GATC: variants seen among roughly 807,000 people sequenced by gnomAD.
GATC encodes glutamyl-tRNA(Gln) amidotransferase subunit C, mitochondrial.
In GATC, 11 loss-of-function variants were observed where a neutral mutation model predicts 14.4. The observed-to-expected ratio is 0.77, with a 90% CI of 0.48 to 1.27. The LOEUF is 1.27. GATC is among the 50% of genes most tolerant of loss of function. GATC has a pLI of 0.00. For synonymous variants in GATC, 76 were observed against 79.3 expected, an observed-to-expected ratio of 0.96 and a Z score of 0.22; for missense variants, 204 against 183.0, an observed-to-expected ratio of 1.11 and a Z score of -0.66.
chr12:120,448,642 CTTT>C lies in GATC; in HGVS notation c.254+1832_254+1834del, dbSNP rs71451885. Reference sequence around the variant, plus strand: ...CTGCACTGGCCAAAAAAGTCCATTCCTTTTTTTTTTTTTTTTTTTTTGAGACGG... The same window carrying C: ...CTGCACTGGCCAAAAAAGTCCATTCCTTTTTTTTTTTTTTTTTTGAGACGG... On this transcript the variant is annotated intron_variant, in intron 2 of 3. Transcript: ENST00000551765. 3.3e-4 allele frequency among the ~76,000 whole-genome samples: 29 copies of C among 87,460 alleles called. No individual in the cohort carries two copies. The East Asian group carries it at 9.6e-3, about 29-fold the overall frequency. The allele number at this position is 87,460 out of a possible 152,430, so 57.4% of individuals were successfully genotyped here.
chr12:120,450,195 AGAT>A (rs1335319367), intron 2 of GATC, among the ~76,000 whole-genome samples: 1 of 152,242 alleles, frequency 6.6e-6, no homozygotes, highest in Non-Finnish European at 1.5e-5. Flanking sequence ...TCGTGAAAAA[AGAT>A]GAGGAATTTG....
Position 120,446,454 on chromosome 12 carries a change from G to A in GATC, c.-27G>A. 6.2e-7 allele frequency: 1 copy of A among 1,604,668 alleles called. No homozygotes were observed. On this transcript the variant is annotated 5_prime_UTR_variant, in exon 1 of 4. Coordinates refer to ENST00000551765, the MANE Select transcript of GATC (RefSeq NM_176818.3). ...GCGTCGCTCGGCGTTACGCGCGGGCGCACTGCGGGGGCCAAGGAAGGAAGA... is the reference window on the plus strand; with the variant it reads ...GCGTCGCTCGGCGTTACGCGCGGGCACACTGCGGGGGCCAAGGAAGGAAGA...
At chr12:120,455,680 G>A (rs1171449824) in intron 2 of GATC, among the ~76,000 whole-genome samples, 1 of 151,866 alleles carries the variant, frequency 6.6e-6, no homozygotes, top group Non-Finnish European at 1.5e-5. Flanking sequence ...ATCTTATTGT[G>A]ACAACTTAGT....
chr12:120,453,787 G>T (rs1394740418), intron 2 of GATC, among the ~76,000 whole-genome samples: 1 of 150,948 alleles, frequency 6.6e-6, no homozygotes, highest in Non-Finnish European at 1.5e-5. Context: ...TTTGAGACCA[G>T]CCTAGGCAAC....
In GATC at chr12:120,461,729, T is replaced by C. The variant is rs985483306; in HGVS notation, c.*1770T>C. ...AATGGGCCGACTCAGTCACAGTAAC[T>C]GTTGATCTCCATAGTAGAGCAACCC... On this transcript the variant is annotated 3_prime_UTR_variant, in exon 4 of 4. Coordinates refer to ENST00000551765, the MANE Select transcript of GATC (RefSeq NM_176818.3). 1 of 236,238 alleles carries C rather than the reference T, an allele frequency of 4.2e-6. No individual in the cohort carries two copies. Among genetic ancestry groups the C allele is most frequent in the African/African-American group, 2.3e-5 (1 of 44,288 alleles). 14.6% of individuals were successfully genotyped at this position (236,238 alleles called of 1,614,324 possible).
In GATC at chr12:120,461,446, C is replaced by T. The variant is rs1235290899; in HGVS notation, c.*1487C>T. The T allele has an allele frequency of 6.6e-6, 1 of 152,104 alleles. No homozygotes were observed. The highest frequency in any genetic ancestry group is 2.4e-5 in the African/African-American group (1 of 41,390). 9.4% of individuals were successfully genotyped at this position (152,104 alleles called of 1,614,324 possible). A position where few individuals can be genotyped will look rare whatever the true frequency, so the allele number is the denominator to read the frequency against. The stretch of plus-strand genomic sequence containing the variant: ...GCAATGCTTTTTTCTTTAAGGCAGC[C>T]TAATTTACAAGCTTGGCCTTGAATT... On this transcript the variant is annotated 3_prime_UTR_variant, in exon 4 of 4. Coordinates refer to ENST00000551765, the MANE Select transcript of GATC (RefSeq NM_176818.3).
rs905994232 is a variant in GATC, at chr12:120,457,094, C to T, written c.273C>T (p.Ser91=). 6.8e-6 allele frequency: 11 copies of T among 1,613,342 alleles called. No individual in the cohort carries two copies. Among genetic ancestry groups the T allele is most frequent in the African/African-American group, 2.7e-5 (2 of 74,844 alleles). ...VLEDRCLYLR[S]DNVVEGNCAD... ...TTTGTAGATGTCTATACCTGAGATC[C>T]GACAATGTGGTAGAAGGCAACTGTG... Residue 91 remains serine (S), a synonymous_variant, in exon 3 of 4, where the codon TCC becomes TCT. Coordinates refer to ENST00000551765, the MANE Select transcript of GATC (RefSeq NM_176818.3).
At chr12:120,449,645 C>T (rs1286655368) in intron 2 of GATC, among the ~76,000 whole-genome samples, 3 of 151,902 alleles carry the variant, frequency 2.0e-5, no homozygotes, top group African/African-American at 4.8e-5. Context: ...AGGGGTTTCA[C>T]CATGTTGGCA....
intron 2 of GATC, among the ~76,000 whole-genome samples, chr12:120,452,920 TC>T (rs1474315460): frequency 6.6e-6 from 1 of 152,074 alleles, no homozygotes; most frequent in Non-Finnish European, 1.5e-5. Context: ...GGTCTTGAAC[TC>T]CTGGGCTCAA....
In GATC at chr12:120,462,251, A is replaced by G. The variant is rs889497020; in HGVS notation, c.*2292A>G. Reference sequence around the variant, plus strand: ...AACCAACATCTAACAATAATAGTTAAGTATTGAGCACTTACTGTGTACTCT... The same window carrying G: ...AACCAACATCTAACAATAATAGTTAGGTATTGAGCACTTACTGTGTACTCT... On this transcript the variant is annotated 3_prime_UTR_variant, in exon 4 of 4. Coordinates refer to ENST00000551765, the MANE Select transcript of GATC (RefSeq NM_176818.3). The G allele has an allele frequency of 2.7e-5, 38 of 1,401,538 alleles. No homozygotes were observed. The highest frequency in any genetic ancestry group is 3.2e-5 in the Non-Finnish European group (33 of 1,029,148). The allele number at this position is 1,401,538 out of a possible 1,614,324, so 86.8% of individuals were successfully genotyped here. A position where few individuals can be genotyped will look rare whatever the true frequency, so the allele number is the denominator to read the frequency against.
Position 120,462,489 on chromosome 12 carries a change from A to C in GATC, c.*2530A>C, listed in dbSNP as rs555347578. On this transcript the variant is annotated 3_prime_UTR_variant, in exon 4 of 4. Coordinates refer to ENST00000551765, the MANE Select transcript of GATC (RefSeq NM_176818.3). ...CCATTGACCCCCCTCAAAGCTAAGAACTGGAAAGGATCTCAGGGGTCATAT... is the reference window on the plus strand; with the variant it reads ...CCATTGACCCCCCTCAAAGCTAAGACCTGGAAAGGATCTCAGGGGTCATAT... The C allele has an allele frequency of 9.8e-6, 2 of 203,416 alleles. No homozygotes were observed. The highest frequency in any genetic ancestry group is 1.4e-4 in the East Asian group (1 of 7,076). The allele number at this position is 203,416 out of a possible 1,614,324, so 12.6% of individuals were successfully genotyped here.
At chr12:120,449,826 G>C (rs948743150) in intron 2 of GATC, among the ~76,000 whole-genome samples, 1 of 151,680 alleles carries the variant, frequency 6.6e-6, no homozygotes, top group African/African-American at 2.4e-5. Context: ...GCAATGGCGC[G>C]ATCTCAGCTC....
At chr12:120,450,169 T>C (rs1878002015) in intron 2 of GATC, among the ~76,000 whole-genome samples, 1 of 151,890 alleles carries the variant, frequency 6.6e-6, no homozygotes, top group Admixed American at 6.6e-5. Context: ...ATAACCATCA[T>C]TAATAAGGGA....
chr12:120,459,909 AAT>A lies in GATC; in HGVS notation c.364_365del (p.Ile122LeufsTer7), dbSNP rs1258788981. The A allele has an allele frequency of 6.2e-7, 1 of 1,610,496 alleles. No homozygotes were observed. The highest frequency in any genetic ancestry group is 1.3e-5 in the African/African-American group (1 of 74,834). ...VEEYFVAPPG[N>X]ISLPKLDEQE... ...TCTCTTTTGTTATTTTCAAACAGGT[AAT>A]ATCTCTTTGCCAAAGCTGGATGAAC... On this transcript the variant is annotated frameshift_variant, in exon 4 of 4. Transcript: ENST00000551765. LOFTEE classifies it high-confidence loss of function.
At chr12:120,457,241 A>C in intron 3 of GATC, 62 bp downstream of exon 3, 2 of 1,222,072 alleles carry the variant, frequency 1.6e-6, no homozygotes, top group Admixed American at 3.5e-5. Flanking sequence ...ATGAAGCAGG[A>C]AGCATGAGGA....
rs529010748 is a variant in GATC, at chr12:120,461,699, A to C, written c.*1740A>C. ...ACTAAACATTTAAAATATATTTCTAAACAGAATGGGCCGACTCAGTCACAG... is the reference window on the plus strand; with the variant it reads ...ACTAAACATTTAAAATATATTTCTACACAGAATGGGCCGACTCAGTCACAG... On this transcript the variant is annotated 3_prime_UTR_variant, in exon 4 of 4. Transcript: ENST00000551765. 5.4e-4 allele frequency: 100 copies of C among 186,812 alleles called. No homozygotes were observed. The highest frequency in any genetic ancestry group is 9.5e-4 in the Non-Finnish European group (87 of 91,504). The allele number at this position is 186,812 out of a possible 1,614,324, so 11.6% of individuals were successfully genotyped here.
At chr12:120,449,486 T>C (rs1361919856) in intron 2 of GATC, among the ~76,000 whole-genome samples, 1 of 152,012 alleles carries the variant, frequency 6.6e-6, no homozygotes, top group Non-Finnish European at 1.5e-5. Flanking sequence ...AGTCTCACTC[T>C]GTTGCCCACG....
At position 120,446,508 on chromosome 12, in the gene GATC, C is replaced by T. The variant is rs549680688; in HGVS notation, c.28C>T (p.Leu10Phe). The change falls in exon 1 of 4, where the codon CTT becomes TTT. Residue 10 changes from leucine (L) to phenylalanine (F), a missense_variant. Transcript: ENST00000551765. ...GTGGTCGCGGTTGGTGTGGCTGGGCCTTCGGGCCCCTCTGGGCGGGCGCCA... is the reference window on the plus strand; with the variant it reads ...GTGGTCGCGGTTGGTGTGGCTGGGCTTTCGGGCCCCTCTGGGCGGGCGCCA... MWSRLVWLG[L>F]RAPLGGRQGF... The T allele has an allele frequency of 2.5e-6, 4 of 1,606,654 alleles. No individual in the cohort carries two copies. The highest frequency in any genetic ancestry group is 2.7e-5 in the African/African-American group (2 of 74,956).
rs1592982293 is a variant in GATC at position 120,448,424 on chromosome 12, G to C, written c.254+1595G>C. On this transcript the variant is annotated intron_variant, in intron 2 of 3. Transcript: ENST00000551765. ...GCTCACTGCAACCTCCACCCTCCAG[G>C]TTCAAGTGATTTTTGTGCCTCAGCC... Among the ~76,000 whole-genome samples, 11 of 150,598 alleles carry C rather than the reference G, an allele frequency of 7.3e-5. No homozygotes were observed. In the South Asian group the frequency reaches 2.3e-3, roughly 32 times the overall value.
Sources: allele counts gnomAD v4.1 joint callset (sites outside exome capture counted in the v4.1 genomes callset), GRCh38; gene constraint gnomAD v4.1.1; transcripts MANE v1.5; gene names NCBI Gene and HGNC (gene_info 2026-07-23, HGNC 2026-07-21).